TOP3A: variants seen among roughly 807,000 people sequenced by gnomAD.
The protein encoded by TOP3A is DNA topoisomerase III alpha, also known as DNA topoisomerase 3-alpha.
A neutral mutation model predicts 111.3 loss-of-function variants in TOP3A; 64 were observed. The ratio of observed to expected loss-of-function variants is 0.57; its 90% confidence interval spans 0.47 to 0.71. The LOEUF (loss-of-function observed/expected upper bound fraction) is 0.71. TOP3A is among the 30% of genes least tolerant of loss of function. The pLI is 0.00. For synonymous variants in TOP3A, 484 were observed against 485.1 expected, an observed-to-expected ratio of 1.00 and a Z score of 0.03; for missense variants, 1,104 against 1,285.0, an observed-to-expected ratio of 0.86 and a Z score of 2.15.
intron 18 of TOP3A, among the ~76,000 whole-genome samples, chr17:18,275,789 G>A (rs1389749870): frequency 1.3e-5 from 2 of 151,448 alleles, no homozygotes; most frequent in African/African-American, 4.9e-5. Context: ...GAGAGTAGCT[G>A]GGACTACAGG....
At position 18,272,402 on chromosome 17, in the gene TOP3A, A is replaced by G. The variant is rs1390114959; in HGVS notation, c.*2400T>C. On this transcript the variant is annotated 3_prime_UTR_variant, in exon 19 of 19. Transcript: ENST00000321105. ...AAAAGTCAAAACATGGAGTTATGGT[A>G]TAAAACTACAATTCCATTCCTCGGC... Among the ~76,000 whole-genome samples the G allele has an allele frequency of 6.6e-6, 1 of 152,268 alleles. No individual in the cohort carries two copies. The highest frequency in any genetic ancestry group is 1.5e-5 in the Non-Finnish European group (1 of 68,048).
Position 18,274,570 on chromosome 17 carries a change from G to A in TOP3A, c.*232C>T. 1 of 533,504 alleles carries A rather than the reference G, an allele frequency of 1.9e-6. No individual in the cohort carries two copies. The highest frequency in any genetic ancestry group is 5.5e-5 in the South Asian group (1 of 18,090). 33.0% of individuals were successfully genotyped at this position (533,504 alleles called of 1,614,324 possible). ...GGAGCAGCTGCGTGACTTTTCAGCA[G>A]TGGCTATGGTCACTCCTGAGGCCTG... On this transcript the variant is annotated 3_prime_UTR_variant, in exon 19 of 19. Transcript: ENST00000321105.
chr17:18,285,256 A>G lies in TOP3A; in HGVS notation c.1763T>C (p.Leu588Pro). 1 of 1,614,214 alleles carries G rather than the reference A, an allele frequency of 6.2e-7. No individual in the cohort carries two copies. The highest frequency in any genetic ancestry group is 8.5e-7 in the Non-Finnish European group (1 of 1,180,034). Reference sequence around the variant, plus strand: ...ACAGATCAGCTTCAGATCAGCTTCCAGTTCAGCCCGGAGGTCAGGCTTAGA... The same window carrying G: ...ACAGATCAGCTTCAGATCAGCTTCCGGTTCAGCCCGGAGGTCAGGCTTAGA... ...EMSKPDLRAE[L>P]EADLKLICDG... The change falls in exon 15 of 19, where the codon CTG becomes CCG. Residue 588 changes from leucine to proline, a missense_variant. Leu to Pro is a moderately conservative substitution (Grantham distance 98). Transcript: ENST00000321105.
intron 5 of TOP3A, among the ~76,000 whole-genome samples, chr17:18,303,259 A>G (rs1231497358): frequency 6.6e-6 from 1 of 152,200 alleles, no homozygotes; most frequent in East Asian, 1.9e-4. Context: ...GCACTGTGGA[A>G]GGCCGCAGGG....
chr17:18,280,174 A>T (rs35602770), intron 17 of TOP3A: 33,920 of 148,478 alleles, frequency 0.23, 3,969 homozygotes, highest in East Asian at 0.3. Flanking sequence ...TTAAATAAAA[A>T]TTTTTTTTTT....
chr17:18,304,197 T>C (rs778599071), intron 5 of TOP3A, among the ~76,000 whole-genome samples: 1 of 152,156 alleles, frequency 6.6e-6, no homozygotes. Flanking sequence ...ACACCTGACC[T>C]CAGGAGATCC....
At chr17:18,310,282 T>C (rs951375699) in intron 1 of TOP3A, among the ~76,000 whole-genome samples, 1 of 151,510 alleles carries the variant, frequency 6.6e-6, no homozygotes, top group African/African-American at 2.4e-5. Context: ...AAAAATTAGC[T>C]GGGCGTGGTG....
At chr17:18,286,159 C>T (rs905584335) in intron 13 of TOP3A, among the ~76,000 whole-genome samples, 1 of 149,610 alleles carries the variant, frequency 6.7e-6, no homozygotes, top group Non-Finnish European at 1.5e-5. Context: ...GAGATGGCAC[C>T]GTTGCACTCC....
rs748593733 is a variant in TOP3A, at chr17:18,278,844, G to A, written c.2145-487C>T. Among the ~76,000 whole-genome samples the A allele has an allele frequency of 2.2e-4, 33 of 152,200 alleles. 1 individual carries two copies. Among genetic ancestry groups the A allele is most frequent in the Non-Finnish European group, 4.4e-5 (3 of 68,046 alleles). On this transcript the variant is annotated intron_variant, in intron 17 of 18. Transcript: ENST00000321105. Reference sequence around the variant, plus strand: ...AATACAAAAATTAGCTGGGCATGGTGGCACGCGCCTGTAGTCCCAGCTACT... The same window carrying A: ...AATACAAAAATTAGCTGGGCATGGTAGCACGCGCCTGTAGTCCCAGCTACT...
rs370456188 is a variant in TOP3A at position 18,282,689 on chromosome 17, C to A, written c.2021+9G>T. ...GAGCAGAGGTGGGGGCAGAAGGCAG[C>A]GCACTCACCCGCCATTCTTCTTGGT... On this transcript the variant is annotated intron_variant, in intron 16 of 18. Transcript: ENST00000321105. The A allele has an allele frequency of 3.0e-5, 48 of 1,612,708 alleles. No homozygotes were observed. Among genetic ancestry groups the A allele is most frequent in the Middle Eastern group, 1.9e-4 (1 of 5,222 alleles).
rs12946752 is a variant in TOP3A, at chr17:18,273,109, C to T, written c.*1693G>A. On this transcript the variant is annotated 3_prime_UTR_variant, in exon 19 of 19. Coordinates refer to ENST00000321105, the MANE Select transcript of TOP3A (RefSeq NM_004618.5). ...GATGTTCCAGGAACAATCTCAGGAA[C>T]CTGCATTTGTAAAAATCCTCCCCAA... is the stretch of plus-strand genomic sequence containing the variant. 0.72 allele frequency: 109,050 copies of T among 151,994 alleles called. 39,820 individuals are homozygous for T. Among genetic ancestry groups the T allele is most frequent in the African/African-American group, 0.86 (35,473 of 41,458 alleles). 9.4% of individuals were successfully genotyped at this position (151,994 alleles called of 1,614,324 possible). A position where few individuals can be genotyped will look rare whatever the true frequency, so the allele number is the denominator to read the frequency against.
intron 1 of TOP3A, 108 bp from the exon 2 acceptor site, chr17:18,309,049 C>A (rs973904966): frequency 1.0e-5 from 6 of 572,040 alleles, no homozygotes; most frequent in African/African-American, 3.9e-5. Context: ...GGTTATGATA[C>A]CAAAAATATA....
At chr17:18,275,293 CAAAA>C (rs538677203) in intron 18 of TOP3A, among the ~76,000 whole-genome samples, 31 of 60,728 alleles carry the variant, frequency 5.1e-4, no homozygotes, top group African/African-American at 1.5e-3. Context: ...GACCCTGTCT[CAAAA>C]AAAAAAAAAA....
intron 15 of TOP3A, 51 bp downstream of exon 15, chr17:18,285,091 C>T: frequency 6.3e-7 from 1 of 1,595,784 alleles, no homozygotes; most frequent in Non-Finnish European, 8.5e-7. Flanking sequence ...GAGTTCAAGA[C>T]CAGCCTGGGC....
At chr17:18,314,157 AG>A (rs1982096890) in intron 1 of TOP3A, among the ~76,000 whole-genome samples, 1 of 152,194 alleles carries the variant, frequency 6.6e-6, no homozygotes, top group South Asian at 2.1e-4. Flanking sequence ...GCTGTGGCAC[AG>A]GATGGGGAGG....
chr17:18,290,578 G>A lies in TOP3A; in HGVS notation c.1576C>T (p.Leu526Phe), dbSNP rs757692521. The A allele has an allele frequency of 1.2e-6, 2 of 1,602,406 alleles. No individual in the cohort carries two copies. Among genetic ancestry groups the A allele is most frequent in the Non-Finnish European group, 1.7e-6 (2 of 1,173,402 alleles). The change falls in exon 13 of 19, where the codon CTC (leucine) becomes TTC (phenylalanine). Residue 526 changes from leucine (L) to phenylalanine (F), a missense_variant. Leu to Phe is a conservative substitution (Grantham distance 22, BLOSUM62 0). Coordinates refer to ENST00000321105, the MANE Select transcript of TOP3A (RefSeq NM_004618.5). ...TGACCAATGCCATGCTTCTCCATGA[G>A]GGCAATGAGGTCGGCCTCGGTGAGC... ...KLLTEADLIALMEKHGIGTDA... is the reference protein window; with the variant it reads ...KLLTEADLIAFMEKHGIGTDA...
At chr17:18,294,876 C>G in intron 9 of TOP3A, 91 bp from the exon 10 acceptor site, 1 of 834,214 alleles carries the variant, frequency 1.2e-6, no homozygotes, top group East Asian at 2.5e-5. Context: ...CAAATCTGGC[C>G]CGTGTCACTC....
At chr17:18,287,990 A>C (rs1004488710) in intron 13 of TOP3A, among the ~76,000 whole-genome samples, 1 of 151,344 alleles carries the variant, frequency 6.6e-6, no homozygotes, top group Non-Finnish European at 1.5e-5. Context: ...CAAGAGCAAA[A>C]CTCCATCTCA....
In TOP3A at chr17:18,299,627, T is replaced by C. The variant is rs200477612; in HGVS notation, c.922A>G (p.Met308Val). 2.5e-6 allele frequency: 4 copies of C among 1,614,014 alleles called. No homozygotes were observed. The highest frequency in any genetic ancestry group is 2.5e-6 in the Non-Finnish European group (3 of 1,179,912). The change falls in exon 9 of 19, where the codon ATG (methionine) becomes GTG (valine). Residue 308 changes from methionine (M) to valine (V), a missense_variant. Transcript: ENST00000321105. ...GATCTGACCTCTACCACAGTTGCCA[T>C]GGGATCCTAGAAAGCCAGGAAAGAA... is the stretch of plus-strand genomic sequence containing the variant. ...VLYQLCVEDP[M>V]ATVVEVRSKP... is the part of the protein sequence containing the mutation.
Sources: gnomAD v4.1 joint callset for allele counts (sites outside exome capture counted in the v4.1 genomes callset) on GRCh38, gnomAD v4.1.1 for gene constraint, MANE v1.5 for transcripts, NCBI Gene and HGNC (gene_info 2026-07-23, HGNC 2026-07-21) for gene names.